NRG4: variants seen among roughly 807,000 people sequenced by gnomAD.
The protein encoded by NRG4 is neuregulin 4, also known as pro-neuregulin-4, membrane-bound isoform.
Under a neutral mutation model 15.0 loss-of-function variants are expected in NRG4, and 10 were observed. That is an observed-to-expected ratio of 0.67 (90% confidence interval 0.41 to 1.13). The LOEUF (loss-of-function observed/expected upper bound fraction) is 1.13, where lower values mean the gene tolerates loss of function less well. Among genes scored for constraint, NRG4 ranks in the 50% most tolerant of loss-of-function variants. NRG4 has a pLI of 0.00. For synonymous variants in NRG4, 41 were observed against 50.1 expected (o/e 0.82, Z 0.77); for missense variants, 139 against 140.2 (o/e 0.99, Z 0.04).
chr15:76,042,507 T>A (rs1029010140), intron 4 of NRG4, among the ~76,000 whole-genome samples: 3 of 151,862 alleles, frequency 2.0e-5, no homozygotes, highest in Non-Finnish European at 4.4e-5. Flanking sequence ...ATTCAAAGGA[T>A]CATTAGAGGC....
At chr15:76,002,250 C>T (rs749739122) in intron 3 of NRG4, among the ~76,000 whole-genome samples, 13 of 151,926 alleles carry the variant, frequency 8.6e-5, no homozygotes, top group South Asian at 2.1e-4. Context: ...GAAGAGTAAA[C>T]GTACTAATTG....
At chr15:75,976,204 T>TACACTGGTTCTTCC (rs2033359185) in intron 3 of NRG4, among the ~76,000 whole-genome samples, 1 of 152,234 alleles carries the variant, frequency 6.6e-6, no homozygotes, top group African/African-American at 2.4e-5. Flanking sequence ...TATGTTCTTC[T>TACACTGGTTCTTCC]CTACACTGGT....
chr15:75,939,286 G>A (rs1165118712), downstream of NRG4: 5 of 151,950 alleles, frequency 3.3e-5, no homozygotes, highest in African/African-American at 1.2e-4. Context: ...AAAATGAAAA[G>A]GGTTATAGAA....
rs1479078524 is a variant in NRG4 at position 75,942,071 on chromosome 15, G to A, written c.*1567C>T. On this transcript the variant is annotated 3_prime_UTR_variant, in exon 6 of 6. Coordinates refer to ENST00000394907, the MANE Select transcript of NRG4 (RefSeq NM_138573.4). The stretch of plus-strand genomic sequence containing the variant: ...ATTGCTAAGTGAAAGAAGTTAGTCT[G>A]AAAGGCTACATACTACATGATTTCA... 1 of 150,074 alleles carries A rather than the reference G, an allele frequency of 6.7e-6. No homozygotes were observed. The highest frequency in any genetic ancestry group is 1.5e-5 in the Non-Finnish European group (1 of 67,790). 9.3% of individuals were successfully genotyped at this position (150,074 alleles called of 1,614,324 possible). A position where few individuals can be genotyped will look rare whatever the true frequency, so the allele number is the denominator to read the frequency against.
upstream of NRG4, among the ~76,000 whole-genome samples, chr15:76,014,295 C>T (rs1296390628): frequency 6.6e-6 from 1 of 152,126 alleles, no homozygotes; most frequent in Non-Finnish European, 1.5e-5. Context: ...CTGTAGGTTG[C>T]CTGTTTACTC....
intron 3 of NRG4, chr15:75,971,299 T>A: frequency 2.2e-6 from 1 of 454,594 alleles, no homozygotes; most frequent in South Asian, 1.6e-5. Context: ...TCTCATGATC[T>A]CTGTAGAAGG....
intron 3 of NRG4, among the ~76,000 whole-genome samples, chr15:75,984,410 G>T (rs2033716910): frequency 6.6e-6 from 1 of 152,094 alleles, no homozygotes; most frequent in South Asian, 2.1e-4. Context: ...GTGATAGACT[G>T]GATGAAGAAA....
intron 3 of NRG4, chr15:75,971,083 T>C: frequency 1.1e-5 from 3 of 270,342 alleles, no homozygotes; most frequent in South Asian, 1.0e-4. Context: ...ATGAATTTTG[T>C]CCAGTATAAT....
intron 5 of NRG4, among the ~76,000 whole-genome samples, chr15:75,955,096 T>C (rs1320308177): frequency 6.6e-6 from 1 of 152,170 alleles, no homozygotes; most frequent in East Asian, 1.9e-4. Flanking sequence ...GGTGATTTTT[T>C]CCACAACCTC....
chr15:75,997,557 A>G (rs1335586439), intron 3 of NRG4, among the ~76,000 whole-genome samples: 1 of 152,154 alleles, frequency 6.6e-6, no homozygotes, highest in African/African-American at 2.4e-5. Context: ...TAAGTACAGT[A>G]GAGAGAGATA....
At position 75,944,061 on chromosome 15, in the gene NRG4, C is replaced by T. The variant is rs183383484; in HGVS notation, c.332-407G>A. ...TAACAGCAATGACAATAATAGATGG[C>T]AAGAAAATACCAAGGAAACAAGGAC... On this transcript the variant is annotated intron_variant, in intron 5 of 5. Transcript: ENST00000394907. Among the ~76,000 whole-genome samples the T allele has an allele frequency of 2.6e-5, 4 of 151,436 alleles. No individual in the cohort carries two copies. In the East Asian group the frequency reaches 7.7e-4, roughly 29 times the overall value.
intron 3 of NRG4, among the ~76,000 whole-genome samples, chr15:75,978,108 T>C (rs1369514787): frequency 6.6e-6 from 1 of 152,172 alleles, no homozygotes; most frequent in Non-Finnish European, 1.5e-5. Context: ...TGAGCTACCG[T>C]GCCCAGCCTC....
chr15:75,938,677 A>G (rs534615098), downstream of NRG4: 1 of 152,218 alleles, frequency 6.6e-6, no homozygotes, highest in Non-Finnish European at 1.5e-5. Flanking sequence ...AGAAGAAAGA[A>G]TCAGCAAACT....
chr15:75,993,290 GTT>G (rs777701556), intron 3 of NRG4, among the ~76,000 whole-genome samples: 3 of 110,336 alleles, frequency 2.7e-5, no homozygotes, highest in Admixed American at 1.1e-4. Context: ...TTTAAATATT[GTT>G]TTTTTTTTTT....
chr15:75,942,741 A>C lies in NRG4; in HGVS notation c.*897T>G, dbSNP rs1159620749. 6.6e-6 allele frequency: 1 copy of C among 152,198 alleles called. No homozygotes were observed. The highest frequency in any genetic ancestry group is 1.5e-5 in the Non-Finnish European group (1 of 68,052). 9.4% of individuals were successfully genotyped at this position (152,198 alleles called of 1,614,324 possible). ...TTGGCCGGTGCATGCCCTTCTGCCT[A>C]AGCCATTTACCAGCCCCAGACCTTT... On this transcript the variant is annotated 3_prime_UTR_variant, in exon 6 of 6. Transcript: ENST00000394907.
intron 3 of NRG4, among the ~76,000 whole-genome samples, chr15:75,981,619 T>C (rs1013098771): frequency 1.3e-5 from 2 of 152,146 alleles, no homozygotes; most frequent in African/African-American, 2.4e-5. Context: ...GAAATTGCTA[T>C]TGAAGGCTGA....
chr15:76,016,409 G>T (rs539830600), upstream of NRG4, among the ~76,000 whole-genome samples: 30 of 152,186 alleles, frequency 2.0e-4, no homozygotes, highest in African/African-American at 6.7e-4. Context: ...TGCTCCTCTA[G>T]TTCTTTTAAT....
rs967933055 is a variant in NRG4 at position 76,051,106 on chromosome 15, C to T, written c.-105+961G>A. Among the ~76,000 whole-genome samples the T allele has an allele frequency of 3.0e-4, 44 of 147,280 alleles. 3 individuals carry two copies. Among genetic ancestry groups the T allele is most frequent in the African/African-American group, 1.8e-4 (7 of 39,092 alleles). ...CTGCAAGCTCCGCCTGCCGGGTTCA[C>T]GCCATTCTCCTGCCTCAGCCTCCCA... On this transcript the variant is annotated intron_variant, in intron 4 of 8. Transcript: ENST00000563910.
intron 1 of NRG4, among the ~76,000 whole-genome samples, chr15:76,059,332 G>C (rs1427270970): frequency 2.6e-5 from 4 of 152,216 alleles, no homozygotes; most frequent in African/African-American, 9.6e-5. Flanking sequence ...ACAGAAAGAG[G>C]TGTTTTCCCC....
Sources: allele counts gnomAD v4.1 joint callset (sites outside exome capture counted in the v4.1 genomes callset), GRCh38; gene constraint gnomAD v4.1.1; transcripts MANE v1.5; gene names NCBI Gene and HGNC (gene_info 2026-07-23, HGNC 2026-07-21).